SIDT1: variants seen among roughly 807,000 people sequenced by gnomAD.
The protein encoded by SIDT1 is SID1 transmembrane family, member 1.
In SIDT1, 101 loss-of-function variants were observed where a neutral mutation model predicts 107.5. That is an observed-to-expected ratio of 0.94 (90% CI 0.80 to 1.11). The LOEUF (loss-of-function observed/expected upper bound fraction) is 1.11. Among genes scored for constraint, SIDT1 ranks in the 50% least tolerant of loss-of-function variants. The pLI is 0.00. For missense variants in SIDT1, 1,076 were observed against 1,058.2 expected (o/e 1.02, Z -0.23); for synonymous variants, 395 against 398.2 (o/e 0.99, Z 0.10).
rs138673162 is a variant in SIDT1 at position 113,623,470 on chromosome 3, T to C, written c.2134T>C (p.Tyr712His). 1.2e-6 allele frequency: 2 copies of C among 1,614,178 alleles called. No individual in the cohort carries two copies. The highest frequency in any genetic ancestry group is 1.7e-6 in the Non-Finnish European group (2 of 1,180,004). ...ATACCGCCCCAGGGACTTTGCTTCCTACATGCTGGGCATCTTCATCTGTAA... is the reference window on the plus strand; with the variant it reads ...ATACCGCCCCAGGGACTTTGCTTCCCACATGCTGGGCATCTTCATCTGTAA... ...LIYRPRDFAS[Y>H]MLGIFICNLL... The change falls in exon 22 of 25, where the codon TAC (tyrosine) becomes CAC (histidine). Residue 712 changes from tyrosine (Y) to histidine (H), a missense_variant. Transcript: ENST00000264852.
At position 113,627,718 on chromosome 3, in the gene SIDT1, A is replaced by G. The variant is rs1560154132; in HGVS notation, c.*10A>G. Reference sequence around the variant, plus strand: ...GATCCCTGTCTTCTGAACCTCCAACATTAAGAGAGGGGAGGGAGCGATCAA... The same window carrying G: ...GATCCCTGTCTTCTGAACCTCCAACGTTAAGAGAGGGGAGGGAGCGATCAA... On this transcript the variant is annotated 3_prime_UTR_variant, in exon 25 of 25. Coordinates refer to ENST00000264852, the MANE Select transcript of SIDT1 (RefSeq NM_017699.3). 2 of 1,612,920 alleles carry G rather than the reference A, an allele frequency of 1.2e-6. No individual in the cohort carries two copies. The highest frequency in any genetic ancestry group is 1.7e-6 in the Non-Finnish European group (2 of 1,179,632).
chr3:113,603,894 G>C, intron 12 of SIDT1, 66 bp from the exon 13 acceptor site: 1 of 986,488 alleles, frequency 1.0e-6, no homozygotes, highest in Non-Finnish European at 1.6e-6. Context: ...TGTTATGTTT[G>C]CCTTTGTATC....
downstream of SIDT1, among the ~76,000 whole-genome samples, chr3:113,629,948 C>G (rs1479269283): frequency 6.6e-6 from 1 of 152,202 alleles, no homozygotes; most frequent in African/African-American, 2.4e-5. Context: ...TTCCACAGCG[C>G]CAGTCTCACG....
At chr3:113,608,024 A>G in intron 15 of SIDT1, 70 bp from the exon 16 acceptor site, 1 of 1,432,226 alleles carries the variant, frequency 7.0e-7, no homozygotes, top group Admixed American at 2.5e-5. Context: ...TCATTCCTTC[A>G]TGCATCATGT....
At chr3:113,620,025 T>TTAGATAGATAGATAGATAGATAGA in intron 21 of SIDT1, 2 of 246,262 alleles carry the variant, frequency 8.1e-6, no homozygotes, top group East Asian at 9.6e-5. Flanking sequence ...AGTTGAATGG[T>TTAGATAGATAGATAGATAGATAGA]TAGATAGATA....
At chr3:113,578,392 G>A (rs1943078720) in intron 4 of SIDT1, among the ~76,000 whole-genome samples, 1 of 151,436 alleles carries the variant, frequency 6.6e-6, no homozygotes, top group African/African-American at 2.4e-5. Flanking sequence ...GCGTGAACCC[G>A]GGAGGCGGAG....
At chr3:113,578,055 G>A (rs568010435) in intron 4 of SIDT1, among the ~76,000 whole-genome samples, 1 of 152,354 alleles carries the variant, frequency 6.6e-6, no homozygotes, top group Non-Finnish European at 1.5e-5. Context: ...CTGCCACCCA[G>A]TGGCAGGAGA....
At chr3:113,597,056 C>A (rs1198059101) in intron 10 of SIDT1, among the ~76,000 whole-genome samples, 1 of 152,170 alleles carries the variant, frequency 6.6e-6, no homozygotes, top group Non-Finnish European at 1.5e-5. Flanking sequence ...CTCTACTCTT[C>A]TTTTTCTAGT....
intron 1 of SIDT1, among the ~76,000 whole-genome samples, chr3:113,553,473 G>GAAATAAAAT (rs1940500035): frequency 6.6e-6 from 1 of 152,132 alleles, no homozygotes; most frequent in African/African-American, 2.4e-5. Context: ...GAAGATACTT[G>GAAATAAAAT]CCTGCAATGT....
intron 23 of SIDT1, among the ~76,000 whole-genome samples, chr3:113,625,560 G>A (rs1946795587): frequency 6.6e-6 from 1 of 152,172 alleles, no homozygotes; most frequent in African/African-American, 2.4e-5. Flanking sequence ...GCCAGCATCT[G>A]TTATTGCCTG....
chr3:113,632,594 T>C (rs1947101351), downstream of SIDT1: 1 of 152,198 alleles, frequency 6.6e-6, no homozygotes, highest in South Asian at 2.1e-4. Flanking sequence ...CTCTGTTCAC[T>C]TACATAGAAT....
In SIDT1 at chr3:113,585,078, A is replaced by G. The variant is rs1462248825; in HGVS notation, c.908-99A>G. On this transcript the variant is annotated intron_variant, in intron 8 of 24. Coordinates refer to ENST00000264852, the MANE Select transcript of SIDT1 (RefSeq NM_017699.3). ...AACAAAAATTTATTAGGACCTAAGA[A>G]TCAATATGATGGAGGGGGCCCTTTA... 4 of 833,192 alleles carry G rather than the reference A, an allele frequency of 4.8e-6. No individual in the cohort carries two copies. In the East Asian group the frequency reaches 7.3e-5, roughly 15 times the overall value. 51.6% of individuals were successfully genotyped at this position (833,192 alleles called of 1,614,324 possible). A position where few individuals can be genotyped will look rare whatever the true frequency, so the allele number is the denominator to read the frequency against.
intron 1 of SIDT1, among the ~76,000 whole-genome samples, chr3:113,558,531 T>C (rs544385876): frequency 3.3e-4 from 50 of 152,282 alleles, no homozygotes; most frequent in African/African-American, 1.2e-3. Flanking sequence ...CAATGTCTCC[T>C]CGTGGAGTAA....
chr3:113,567,884 CA>C (rs201844439), intron 3 of SIDT1, 174 bp downstream of exon 3: 7,328 of 606,518 alleles, frequency 0.012, 97 homozygotes, highest in Middle Eastern at 0.014. Flanking sequence ...TTAATCTATA[CA>C]AAAGAGTGGG....
At chr3:113,614,753 G>A (rs919920769) in intron 19 of SIDT1, among the ~76,000 whole-genome samples, 1 of 152,158 alleles carries the variant, frequency 6.6e-6, no homozygotes, top group African/African-American at 2.4e-5. Context: ...CCAGAGCTCT[G>A]GAAAAGGACC....
Position 113,581,434 on chromosome 3 carries a change from T to A in SIDT1, c.737T>A (p.Ile246Asn). The A allele has an allele frequency of 6.2e-7, 1 of 1,613,190 alleles. No individual in the cohort carries two copies. The highest frequency in any genetic ancestry group is 2.2e-5 in the East Asian group (1 of 44,876). Residue 246 changes from isoleucine (I) to asparagine (N), a missense_variant, in exon 6 of 25, where the codon ATC becomes AAC. Transcript: ENST00000264852. The stretch of plus-strand genomic sequence containing the variant: ...CAGTCCATGACCAAGAAAGCTGCCA[T>A]CACGCTACAGGTGAGGCATTGCTTC... The part of the protein sequence containing the change: ...VYQSMTKKAA[I>N]TLQKKDFPGE...
chr3:113,590,399 A>G (rs1944058840), intron 9 of SIDT1, among the ~76,000 whole-genome samples: 1 of 152,228 alleles, frequency 6.6e-6, no homozygotes, highest in Admixed American at 6.5e-5. Flanking sequence ...TCATTTTGAG[A>G]GAATAATTCA....
intron 3 of SIDT1, among the ~76,000 whole-genome samples, chr3:113,568,416 A>G (rs1447533093): frequency 6.6e-6 from 1 of 151,932 alleles, no homozygotes; most frequent in Admixed American, 6.6e-5. Flanking sequence ...AACACAGTGA[A>G]ACCCCATCTC....
Position 113,532,909 on chromosome 3 carries a change from C to T in SIDT1, c.-113C>T, listed in dbSNP as rs996498854. 4.2e-6 allele frequency: 3 copies of T among 706,314 alleles called. No homozygotes were observed. Among genetic ancestry groups the T allele is most frequent in the Non-Finnish European group, 6.1e-6 (3 of 494,118 alleles). 43.8% of individuals were successfully genotyped at this position (706,314 alleles called of 1,614,324 possible). A position where few individuals can be genotyped will look rare whatever the true frequency, so the allele number is the denominator to read the frequency against. ...CCGGCTGGGTTCGCCAGGCATCACC[C>T]GCTCGGCTCTGAAGCGGACGCCTGG... is the stretch of plus-strand genomic sequence containing the variant. On this transcript the variant is annotated 5_prime_UTR_variant, in exon 1 of 25. Coordinates refer to ENST00000264852, the MANE Select transcript of SIDT1 (RefSeq NM_017699.3).
Sources: gnomAD v4.1 joint callset for allele counts (sites outside exome capture counted in the v4.1 genomes callset) on GRCh38, gnomAD v4.1.1 for gene constraint, MANE v1.5 for transcripts, NCBI Gene and HGNC (gene_info 2026-07-23, HGNC 2026-07-21) for gene names.